Variants in ZNF875 observed in about 807,000 individuals in gnomAD.
The protein encoded by ZNF875 is zinc finger protein 875.
ZNF875 carries 14 observed loss-of-function variants against 11.2 expected under a neutral mutation model. The observed-to-expected ratio is 1.26, with a 90% CI of 0.83 to 1.96. ZNF875 has a LOEUF of 1.96. Among genes scored for constraint, ZNF875 ranks in the 30% most tolerant of loss-of-function variants. The probability of loss-of-function intolerance (pLI) is 0.00; values close to 1 mark genes in which losing one functional copy is unlikely to be tolerated. For missense variants in ZNF875, 752 were observed against 760.4 expected, an observed-to-expected ratio of 0.99 and a Z score of 0.13; for synonymous variants, 301 against 281.1, an observed-to-expected ratio of 1.07 and a Z score of -0.71.
At chr19:37,341,520 G>A (rs181593174) in intron 2 of ZNF875, among the ~76,000 whole-genome samples, 20 of 152,258 alleles carry the variant, frequency 1.3e-4, no homozygotes, top group African/African-American at 3.4e-4. Context: ...CAATTAACAA[G>A]TAGTTTTAAC....
At chr19:37,314,415 T>A (rs2030094860), upstream of ZNF875, among the ~76,000 whole-genome samples, 2 of 152,226 alleles carry the variant, frequency 1.3e-5, no homozygotes, top group African/African-American at 4.8e-5. Context: ...TGCACCCAGC[T>A]GATAAAATCT....
At chr19:37,320,124 C>T (rs1161836344) in intron 1 of ZNF875, among the ~76,000 whole-genome samples, 1 of 152,198 alleles carries the variant, frequency 6.6e-6, no homozygotes, top group Non-Finnish European at 1.5e-5. Context: ...ATCCACCCGC[C>T]TCGGCCTCCC....
At position 37,364,086 on chromosome 19, in the gene ZNF875, C is replaced by A; in HGVS notation, c.*311C>A. ...TGCCCAGGCAGATAGGGGTGGGTAC[C>A]TGGTGAAACCCAACCTTAAAGCTGA... On this transcript the variant is annotated 3_prime_UTR_variant, in exon 5 of 5. Coordinates refer to ENST00000392153, the MANE Select transcript of ZNF875 (RefSeq NM_001353803.2). 3.0e-6 allele frequency: 1 copy of A among 330,714 alleles called. No individual in the cohort carries two copies. The allele number at this position is 330,714 out of a possible 1,614,324, so 20.5% of individuals were successfully genotyped here.
chr19:37,316,644 A>G (rs1449995492), upstream of ZNF875, among the ~76,000 whole-genome samples: 2 of 151,078 alleles, frequency 1.3e-5, no homozygotes, highest in Non-Finnish European at 2.9e-5. Flanking sequence ...TGCTGGGATT[A>G]CAGGCGTGAG....
intron 2 of ZNF875, chr19:37,346,180 A>T (rs1233391192): frequency 1.6e-4 from 24 of 152,222 alleles, no homozygotes; most frequent in Non-Finnish European, 1.5e-5. Flanking sequence ...GAGAGCATGG[A>T]ATTTTACATA....
intron 2 of ZNF875, among the ~76,000 whole-genome samples, chr19:37,323,218 G>A (rs984637742): frequency 6.6e-5 from 10 of 151,432 alleles, no homozygotes; most frequent in Non-Finnish European, 1.5e-4. Flanking sequence ...CTGTGGCACC[G>A]TGTTGGCTCA....
intron 2 of ZNF875, among the ~76,000 whole-genome samples, chr19:37,323,271 A>G (rs564329736): frequency 6.6e-6 from 1 of 151,982 alleles, no homozygotes; most frequent in South Asian, 2.1e-4. Flanking sequence ...CTCTTGCCTC[A>G]GCCTCCAGAG....
intron 4 of ZNF875, among the ~76,000 whole-genome samples, chr19:37,350,909 A>G (rs1439546160): frequency 2.0e-5 from 3 of 146,792 alleles, no homozygotes; most frequent in African/African-American, 5.1e-5. Context: ...GACTCAAGCG[A>G]TTCTCCTGCC....
Position 37,362,178 on chromosome 19 carries a change from A to C in ZNF875, c.326A>C (p.Gln109Pro). The C allele has an allele frequency of 6.2e-7, 1 of 1,614,182 alleles. No individual in the cohort carries two copies. The highest frequency in any genetic ancestry group is 1.1e-5 in the South Asian group (1 of 91,086). The change falls in exon 5 of 5, where the codon CAA (glutamine) becomes CCA (proline). Residue 109 changes from glutamine (Q) to proline (P), a missense_variant. Gln to Pro is a moderately conservative substitution (Grantham distance 76). Transcript: ENST00000392153. Reference protein sequence around the residue: ...LIFSSQQALSQHVWLSHLSQL... With the variant: ...LIFSSQQALSPHVWLSHLSQL... ...TTCTCCAGTCAGCAAGCTCTCAGCC[A>C]ACATGTGTGGCTGAGTCATCTCTCT...
rs570143201 is a variant in ZNF875, at chr19:37,336,361, G to A, written c.33+1104G>A. On this transcript the variant is annotated intron_variant, in intron 2 of 4. Coordinates refer to ENST00000392153, the MANE Select transcript of ZNF875 (RefSeq NM_001353803.2). ...GTCATCCAGGCTGGAGTGCAGTGGC[G>A]CCATCTCGGCTCGCTGCAGACTCTG... Among the ~76,000 whole-genome samples the A allele has an allele frequency of 5.4e-5, 8 of 148,370 alleles. No individual in the cohort carries two copies. In the East Asian group the frequency reaches 1.0e-3, roughly 19 times the overall value.
intron 4 of ZNF875, among the ~76,000 whole-genome samples, chr19:37,357,075 G>C (rs922513544): frequency 6.6e-6 from 1 of 152,186 alleles, no homozygotes; most frequent in African/African-American, 2.4e-5. Flanking sequence ...TTATTGAATA[G>C]GGTGTCCTTT....
chr19:37,344,930 C>A, intron 2 of ZNF875: 1 of 634,324 alleles, frequency 1.6e-6, no homozygotes, highest in Non-Finnish European at 2.9e-6. Flanking sequence ...CTTTTTCTCT[C>A]CAGTGTTTAA....
intron 2 of ZNF875, chr19:37,344,513 C>G: frequency 1.7e-6 from 1 of 598,898 alleles, no homozygotes; most frequent in Non-Finnish European, 3.0e-6. Flanking sequence ...TCCTGTGACT[C>G]CATCTTACAA....
chr19:37,362,791 G>T lies in ZNF875; in HGVS notation c.939G>T (p.Lys313Asn), dbSNP rs543758955. 1.9e-6 allele frequency: 3 copies of T among 1,613,552 alleles called. No individual in the cohort carries two copies. The highest frequency in any genetic ancestry group is 3.3e-5 in the Admixed American group (2 of 59,966). ...CAGGGGAGAAACCTTATGTGTGCAA[G>T]GATTGTGGACGAGGCTTTACTTGGA... is the stretch of plus-strand genomic sequence containing the variant. The part of the protein sequence containing the change: ...THSGEKPYVC[K>N]DCGRGFTWKS... Residue 313 changes from lysine to asparagine, a missense_variant, in exon 5 of 5, where the codon AAG becomes AAT. Lys to Asn is a moderately conservative substitution (Grantham distance 94). Coordinates refer to ENST00000392153, the MANE Select transcript of ZNF875 (RefSeq NM_001353803.2).
chr19:37,346,322 A>T (rs2036758181), intron 2 of ZNF875: 1 of 152,170 alleles, frequency 6.6e-6, no homozygotes, highest in Non-Finnish European at 1.5e-5. Context: ...CAGCTAATTC[A>T]GTGCCTGAGG....
At chr19:37,321,542 T>C (rs1226879646) in intron 1 of ZNF875, among the ~76,000 whole-genome samples, 4 of 152,034 alleles carry the variant, frequency 2.6e-5, no homozygotes, top group African/African-American at 9.7e-5. Flanking sequence ...CCAGCATGGG[T>C]CCTCTGTATG....
intron 1 of ZNF875, 102 bp downstream of exon 1, chr19:37,334,884 C>T (rs1441247003): frequency 8.8e-6 from 4 of 455,838 alleles, no homozygotes; most frequent in Admixed American, 7.3e-5. Context: ...GGGCGCTCTC[C>T]TTTGGGCACC....
chr19:37,336,407 C>T (rs1280143906), intron 2 of ZNF875, among the ~76,000 whole-genome samples: 1 of 149,608 alleles, frequency 6.7e-6, no homozygotes, highest in Non-Finnish European at 1.5e-5. Context: ...TCACACCATT[C>T]TTCTGCCTCA....
intron 2 of ZNF875, among the ~76,000 whole-genome samples, chr19:37,343,324 C>CA (rs2036126627): frequency 7.0e-6 from 1 of 143,560 alleles, no homozygotes; most frequent in African/African-American, 2.6e-5. Context: ...GCCTAGGTGT[C>CA]AGAGTGAGAC....
Sources: allele counts gnomAD v4.1 joint callset (sites outside exome capture counted in the v4.1 genomes callset), GRCh38; gene constraint gnomAD v4.1.1; transcripts MANE v1.5; gene names NCBI Gene and HGNC (gene_info 2026-07-23, HGNC 2026-07-21).